The following DEPTOR variants were observed in gnomAD, a reference collection of about 807,000 sequenced individuals.
DEPTOR encodes DEP domain-containing mTOR-interacting protein.
In DEPTOR, 41 loss-of-function variants were observed where a neutral mutation model predicts 41.6. That is an observed-to-expected ratio of 0.98 (90% CI 0.77 to 1.28). The LOEUF is 1.28. Ranked by LOEUF, DEPTOR falls within the 50% of genes most tolerant of loss-of-function variation. The probability of loss-of-function intolerance (pLI) is 0.00; values close to 1 mark genes in which losing one functional copy is unlikely to be tolerated. For synonymous variants in DEPTOR, 195 were observed against 192.3 expected (o/e 1.01, Z -0.12); for missense variants, 514 against 527.9 (o/e 0.97, Z 0.26).
intron 1 of DEPTOR, among the ~76,000 whole-genome samples, chr8:119,910,007 A>C (rs6469872): frequency 0.5 from 75,806 of 152,086 alleles, 20,621 homozygotes; most frequent in East Asian, 0.92. Context: ...GGCTGTTGAT[A>C]ATGGCTTTGG....
At chr8:119,933,501 A>G (rs1050650836) in intron 3 of DEPTOR, among the ~76,000 whole-genome samples, 1 of 97,372 alleles carries the variant, frequency 1.0e-5, no homozygotes, top group East Asian at 2.7e-4. Context: ...CACACACACA[A>G]TGTTTATTAT....
intron 4 of DEPTOR, among the ~76,000 whole-genome samples, chr8:119,998,932 C>T (rs1397896737): frequency 7.1e-6 from 1 of 140,424 alleles, no homozygotes; most frequent in Non-Finnish European, 1.5e-5. Flanking sequence ...CTTCAGTTCC[C>T]TCATCAAAAA....
intron 3 of DEPTOR, among the ~76,000 whole-genome samples, chr8:119,931,073 A>G (rs1010210162): frequency 1.3e-5 from 2 of 152,014 alleles, no homozygotes; most frequent in Non-Finnish European, 2.9e-5. Context: ...TTAGCCCACC[A>G]TGGTGGTGAG....
At chr8:119,946,797 T>C (rs957946594) in intron 3 of DEPTOR, among the ~76,000 whole-genome samples, 2 of 152,162 alleles carry the variant, frequency 1.3e-5, no homozygotes, top group African/African-American at 4.8e-5. Context: ...CTAAACAAAA[T>C]TAACTTTTGC....
At chr8:119,895,751 A>G (rs992860235) in intron 1 of DEPTOR, among the ~76,000 whole-genome samples, 36 of 152,158 alleles carry the variant, frequency 2.4e-4, no homozygotes, top group Admixed American at 7.2e-4. Flanking sequence ...GCATGTCTGC[A>G]CACTTTCCAA....
At chr8:120,046,417 C>T (rs1399638539) in intron 8 of DEPTOR, among the ~76,000 whole-genome samples, 4 of 151,420 alleles carry the variant, frequency 2.6e-5, no homozygotes, top group African/African-American at 9.7e-5. Flanking sequence ...TGTGGATTTG[C>T]CTACTCTGGA....
chr8:119,966,752 C>T (rs1290862748), intron 4 of DEPTOR, among the ~76,000 whole-genome samples: 3 of 152,180 alleles, frequency 2.0e-5, no homozygotes, highest in Non-Finnish European at 4.4e-5. Context: ...ACTGGGATTA[C>T]AGGCGTGAAC....
chr8:119,957,801 A>C (rs1185282884), intron 3 of DEPTOR, among the ~76,000 whole-genome samples: 1 of 151,928 alleles, frequency 6.6e-6, no homozygotes, highest in Non-Finnish European at 1.5e-5. Context: ...GTTGGCCAGG[A>C]TGGTCTTGAA....
chr8:120,018,303 C>T (rs1025116510), intron 8 of DEPTOR, among the ~76,000 whole-genome samples: 23 of 152,244 alleles, frequency 1.5e-4, no homozygotes, highest in Admixed American at 7.2e-4. Flanking sequence ...TATAACCGGG[C>T]GTGGTGGCTC....
chr8:120,014,125 C>T (rs1347092954), intron 8 of DEPTOR, among the ~76,000 whole-genome samples: 4 of 152,132 alleles, frequency 2.6e-5, no homozygotes, highest in African/African-American at 4.8e-5. Context: ...AATCTGTAAA[C>T]GTCGGGCTTG....
chr8:120,006,715 G>T, intron 6 of DEPTOR, 90 bp from the exon 7 acceptor site: 2 of 1,137,940 alleles, frequency 1.8e-6, no homozygotes, highest in Non-Finnish European at 1.3e-6. Flanking sequence ...CTCACTGATG[G>T]TCACCTACGA....
chr8:119,886,514 TAC>T (rs149066102), intron 1 of DEPTOR, among the ~76,000 whole-genome samples: 2,018 of 151,308 alleles, frequency 0.013, 46 homozygotes, highest in African/African-American at 0.046. Flanking sequence ...TACACACAGA[TAC>T]ACACACACAG....
intron 8 of DEPTOR, among the ~76,000 whole-genome samples, chr8:120,019,337 C>A (rs1244352294): frequency 1.3e-5 from 2 of 152,048 alleles, no homozygotes; most frequent in Non-Finnish European, 2.9e-5. Context: ...AAATGCATAC[C>A]TTTTAAGTGT....
At chr8:119,917,896 C>T (rs1827835255) in intron 1 of DEPTOR, among the ~76,000 whole-genome samples, 2 of 152,230 alleles carry the variant, frequency 1.3e-5, no homozygotes, top group Non-Finnish European at 2.9e-5. Context: ...GTGGAACATG[C>T]GGGCAGCAAT....
chr8:119,941,536 A>T (rs929272416), intron 3 of DEPTOR, among the ~76,000 whole-genome samples: 1 of 152,178 alleles, frequency 6.6e-6, no homozygotes, highest in African/African-American at 2.4e-5. Flanking sequence ...AAGCAAGAGA[A>T]AGCCAAAATG....
At chr8:119,877,402 C>A (rs889555999) in intron 1 of DEPTOR, among the ~76,000 whole-genome samples, 1 of 152,122 alleles carries the variant, frequency 6.6e-6, no homozygotes, top group African/African-American at 2.4e-5. Flanking sequence ...TGCCTGGTTT[C>A]CTAGTTATTG....
intron 3 of DEPTOR, among the ~76,000 whole-genome samples, chr8:119,950,806 C>T (rs532082597): frequency 7.8e-4 from 119 of 152,242 alleles, no homozygotes; most frequent in African/African-American, 2.7e-3. Flanking sequence ...CCATGTTTGC[C>T]AGGCTGGTCT....
chr8:119,932,704 C>A (rs145898430), intron 3 of DEPTOR, among the ~76,000 whole-genome samples: 53 of 152,248 alleles, frequency 3.5e-4, no homozygotes, highest in African/African-American at 9.9e-4. Flanking sequence ...GGCACAGACA[C>A]ATGAAGATGT....
intron 1 of DEPTOR, among the ~76,000 whole-genome samples, chr8:119,901,858 C>CTATTTCTG (rs1827595693): frequency 6.6e-6 from 1 of 151,898 alleles, no homozygotes; most frequent in South Asian, 2.1e-4. Flanking sequence ...GGAAATTCCA[C>CTATTTCTG]TATTTCTGTA....
Sources: allele counts gnomAD v4.1 joint callset (sites outside exome capture counted in the v4.1 genomes callset), GRCh38; gene constraint gnomAD v4.1.1; transcripts MANE v1.5; gene names NCBI Gene and HGNC (gene_info 2026-07-23, HGNC 2026-07-21).